FSTL5: variants seen among roughly 807,000 people sequenced by gnomAD.
The protein encoded by FSTL5 is follistatin like 5.
FSTL5 carries 62 observed loss-of-function variants against 89.1 expected under a neutral mutation model. That is an observed-to-expected ratio of 0.70 (90% CI 0.57 to 0.86). The LOEUF is 0.86. Ranked by LOEUF, FSTL5 falls within the 40% of genes least tolerant of loss-of-function variation. The pLI is 0.00. For missense variants in FSTL5, 1,057 were observed against 1,001.6 expected (o/e 1.06, Z -0.75); for synonymous variants, 383 against 346.2 (o/e 1.11, Z -1.18).
intron 3 of FSTL5, among the ~76,000 whole-genome samples, chr4:162,029,808 A>G (rs766769747): frequency 3.3e-5 from 5 of 152,130 alleles, no homozygotes; most frequent in Non-Finnish European, 5.9e-5. Context: ...TAATAACAGT[A>G]TGCTAAATGT....
chr4:161,613,069 A>G (rs1734706782), intron 7 of FSTL5, among the ~76,000 whole-genome samples: 1 of 152,166 alleles, frequency 6.6e-6, no homozygotes, highest in Non-Finnish European at 1.5e-5. Flanking sequence ...TATGTAATAA[A>G]CCCCAAAGAT....
intron 3 of FSTL5, among the ~76,000 whole-genome samples, chr4:161,970,845 G>T (rs1735463197): frequency 1.3e-5 from 2 of 151,902 alleles, no homozygotes; most frequent in African/African-American, 2.4e-5. Context: ...AAATTTATTT[G>T]TATTCTAAGC....
At chr4:161,843,936 T>C (rs535006705) in intron 4 of FSTL5, among the ~76,000 whole-genome samples, 12 of 151,862 alleles carry the variant, frequency 7.9e-5, no homozygotes, top group Non-Finnish European at 1.5e-4. Flanking sequence ...AAAGACAAAA[T>C]TGACAAATGG....
At chr4:161,428,655 G>A (rs62325056) in intron 15 of FSTL5, among the ~76,000 whole-genome samples, 16,887 of 151,730 alleles carry the variant, frequency 0.11, 1,240 homozygotes, top group Non-Finnish European at 0.16. Context: ...ATGGAAGAAC[G>A]CAGTCTGGGC....
intron 4 of FSTL5, among the ~76,000 whole-genome samples, chr4:161,914,212 T>C (rs907459175): frequency 6.6e-6 from 1 of 152,138 alleles, no homozygotes; most frequent in Admixed American, 6.5e-5. Flanking sequence ...CCATGACTAG[T>C]AGTGGAATAT....
intron 15 of FSTL5, among the ~76,000 whole-genome samples, chr4:161,403,642 A>G (rs1009803618): frequency 5.3e-5 from 8 of 152,260 alleles, no homozygotes; most frequent in African/African-American, 1.9e-4. Context: ...ATATATGTAT[A>G]ACCTATATAG....
chr4:161,392,194 T>C lies in FSTL5; in HGVS notation c.1842-5745A>G, dbSNP rs934269267. ...AAGGTCTACCACTTCTAGTGAGTAA[T>C]TGGGACATATGGCTAAATCAGATTT... On this transcript the variant is annotated intron_variant, in intron 15 of 15. Coordinates refer to ENST00000306100, the MANE Select transcript of FSTL5 (RefSeq NM_020116.5). 4.0e-5 allele frequency among the ~76,000 whole-genome samples: 6 copies of C among 151,816 alleles called. No homozygotes were observed. The East Asian group carries it at 9.8e-4, about 25-fold the overall frequency.
At chr4:162,005,018 C>A (rs1026007058) in intron 3 of FSTL5, among the ~76,000 whole-genome samples, 2 of 152,130 alleles carry the variant, frequency 1.3e-5, no homozygotes, top group Non-Finnish European at 2.9e-5. Flanking sequence ...TTTGTAAACT[C>A]TTTAAAATAG....
chr4:162,103,696 TC>T (rs781671604), intron 2 of FSTL5, among the ~76,000 whole-genome samples: 4 of 152,162 alleles, frequency 2.6e-5, no homozygotes, highest in Non-Finnish European at 5.9e-5. Flanking sequence ...CCACTTACTG[TC>T]CCCTACTGAG....
At chr4:162,008,142 C>T (rs1371215503) in intron 3 of FSTL5, among the ~76,000 whole-genome samples, 2 of 151,744 alleles carry the variant, frequency 1.3e-5, no homozygotes, top group Non-Finnish European at 3.0e-5. Flanking sequence ...ATGTATATTG[C>T]TGGACATTAT....
chr4:161,591,545 A>C (rs1733822440), intron 7 of FSTL5, among the ~76,000 whole-genome samples: 1 of 152,212 alleles, frequency 6.6e-6, no homozygotes, highest in Admixed American at 6.5e-5. Flanking sequence ...ATGCCATAAT[A>C]AAACTATATA....
chr4:161,422,415 AAC>A (rs906398636), intron 15 of FSTL5, among the ~76,000 whole-genome samples: 7 of 152,216 alleles, frequency 4.6e-5, no homozygotes, highest in Admixed American at 3.9e-4. Flanking sequence ...TGAACAGAAA[AAC>A]AGTTTTTTCT....
intron 6 of FSTL5, among the ~76,000 whole-genome samples, chr4:161,716,736 G>A (rs1396627242): frequency 6.6e-6 from 1 of 152,054 alleles, no homozygotes; most frequent in Non-Finnish European, 1.5e-5. Flanking sequence ...CCACCCTCCA[G>A]TAGAATGTGA....
intron 7 of FSTL5, among the ~76,000 whole-genome samples, chr4:161,610,555 T>C (rs957770402): frequency 6.6e-6 from 1 of 152,128 alleles, no homozygotes; most frequent in Admixed American, 6.6e-5. Flanking sequence ...AACCCAGGTT[T>C]CTAAGATCTA....
At chr4:162,110,726 A>C (rs1731402850) in intron 2 of FSTL5, among the ~76,000 whole-genome samples, 1 of 151,730 alleles carries the variant, frequency 6.6e-6, no homozygotes, top group South Asian at 2.1e-4. Context: ...CCTAAATATC[A>C]GTTTATTTTA....
intron 3 of FSTL5, among the ~76,000 whole-genome samples, chr4:161,989,929 T>C (rs1736065901): frequency 1.3e-5 from 2 of 152,116 alleles, no homozygotes; most frequent in African/African-American, 4.8e-5. Flanking sequence ...CTTGATTACG[T>C]TGGTGGTGGT....
At chr4:161,488,917 A>C (rs923175241) in intron 12 of FSTL5, among the ~76,000 whole-genome samples, 1 of 152,152 alleles carries the variant, frequency 6.6e-6, no homozygotes, top group African/African-American at 2.4e-5. Flanking sequence ...TATTCTCTCT[A>C]TCTGGCGTTT....
intron 4 of FSTL5, among the ~76,000 whole-genome samples, chr4:161,874,684 T>C (rs1352894136): frequency 6.6e-6 from 1 of 152,004 alleles, no homozygotes; most frequent in African/African-American, 2.4e-5. Context: ...TTTGAGTTGA[T>C]GAATCTTCTT....
chr4:161,645,644 C>T (rs1273362823), intron 7 of FSTL5, among the ~76,000 whole-genome samples: 2 of 152,012 alleles, frequency 1.3e-5, no homozygotes, highest in East Asian at 1.9e-4. Context: ...TACTATTGAA[C>T]CTACACGACC....
Sources: allele counts gnomAD v4.1 joint callset (sites outside exome capture counted in the v4.1 genomes callset), GRCh38; gene constraint gnomAD v4.1.1; transcripts MANE v1.5; gene names NCBI Gene and HGNC (gene_info 2026-07-23, HGNC 2026-07-21).